TP73: variants seen among roughly 807,000 people sequenced by gnomAD.
TP73 encodes the protein tumor protein p73, also known as p53-like transcription factor.
Under a neutral mutation model 62.5 loss-of-function variants are expected in TP73, and 25 were observed. The observed-to-expected ratio is 0.40, with a 90% confidence interval of 0.29 to 0.56. The LOEUF (loss-of-function observed/expected upper bound fraction) is 0.56. TP73 is among the 20% of genes least tolerant of loss of function. TP73 has a pLI of 0.46. For missense variants in TP73, 754 were observed against 913.3 expected, an observed-to-expected ratio of 0.83 and a Z score of 2.25; for synonymous variants, 423 against 377.5, an observed-to-expected ratio of 1.12 and a Z score of -1.40.
At chr1:3,695,549 G>C (rs1018484657) in intron 3 of TP73, among the ~76,000 whole-genome samples, 1 of 152,234 alleles carries the variant, frequency 6.6e-6, no homozygotes, top group Non-Finnish European at 1.5e-5. Flanking sequence ...AGCACGGACG[G>C]ATCTGGAGCT....
At chr1:3,698,731 G>T (rs1638890592) in intron 3 of TP73, among the ~76,000 whole-genome samples, 2 of 152,158 alleles carry the variant, frequency 1.3e-5, no homozygotes, top group South Asian at 4.1e-4. Flanking sequence ...TCAAATGTGG[G>T]TCCGTGGAGG....
intron 3 of TP73, among the ~76,000 whole-genome samples, chr1:3,686,303 G>A (rs1645654821): frequency 6.6e-6 from 1 of 152,248 alleles, no homozygotes; most frequent in African/African-American, 2.4e-5. Context: ...TGGACACAGG[G>A]TGTCTGAGGG....
chr1:3,684,924 T>C (rs948321430), intron 3 of TP73, among the ~76,000 whole-genome samples: 3 of 152,092 alleles, frequency 2.0e-5, no homozygotes, highest in African/African-American at 7.2e-5. Context: ...CTCCCCTCTC[T>C]CGCTTTGGAA....
intron 3 of TP73, among the ~76,000 whole-genome samples, chr1:3,700,956 AAG>A (rs1239125675): frequency 6.6e-6 from 1 of 152,204 alleles, no homozygotes; most frequent in Non-Finnish European, 1.5e-5. Flanking sequence ...GGTGAGGACA[AAG>A]AGTCTTTCAA....
intron 10 of TP73, 187 bp downstream of exon 10, chr1:3,729,635 TG>T: frequency 9.5e-7 from 1 of 1,053,544 alleles, no homozygotes; most frequent in Non-Finnish European, 1.4e-6. Flanking sequence ...GGGGCTGCCC[TG>T]GGACCCTGGG....
At position 3,733,858 on chromosome 1, in the gene TP73, T is replaced by G. The variant is rs1642313361; in HGVS notation, c.*779T>G. On this transcript the variant is annotated 3_prime_UTR_variant, in exon 14 of 14. Transcript: ENST00000378295. ...TCAGCAGAAAGGGACAGCCTGTCCT[T>G]AGAGGACTGGAAATTGTCAATATTT... The G allele has an allele frequency of 6.6e-6, 1 of 151,770 alleles. No homozygotes were observed. Among genetic ancestry groups the G allele is most frequent in the Admixed American group, 6.6e-5 (1 of 15,258 alleles). The allele number at this position is 151,770 out of a possible 1,614,324, so 9.4% of individuals were successfully genotyped here.
chr1:3,690,660 G>C (rs912023416), intron 3 of TP73: 2 of 1,403,234 alleles, frequency 1.4e-6, no homozygotes, highest in African/African-American at 2.9e-5. Context: ...GTGGGCCGCG[G>C]GTTTTGTTGT....
At chr1:3,723,823 G>A (rs1227396774) in intron 6 of TP73, among the ~76,000 whole-genome samples, 1 of 152,244 alleles carries the variant, frequency 6.6e-6, no homozygotes, top group Non-Finnish European at 1.5e-5. Flanking sequence ...TGGGAGATGG[G>A]GAGGTCCCCG....
rs191542623 is a variant in TP73 at position 3,720,126 on chromosome 1, T to C, written c.430-1895T>C. On this transcript the variant is annotated intron_variant, in intron 4 of 13. Transcript: ENST00000378295. ...TTGGTAGAGACAGGGTTTCACCATA[T>C]TGGCCAGGCTGGTCGAACTCCTGAC... 1.0e-3 allele frequency among the ~76,000 whole-genome samples: 159 copies of C among 152,324 alleles called. 1 individual carries two copies. The highest frequency in any genetic ancestry group is 3.5e-3 in the African/African-American group (147 of 41,568).
At chr1:3,725,682 ATAT>A (rs1344100645) in intron 6 of TP73, among the ~76,000 whole-genome samples, 8 of 119,286 alleles carry the variant, frequency 6.7e-5, no homozygotes, top group Non-Finnish European at 8.4e-5. Flanking sequence ...GGATAGACTG[ATAT>A]TGTTGAATGG....
intron 3 of TP73, among the ~76,000 whole-genome samples, chr1:3,684,309 ACAGCGCGTCTGGGGCAGGGT>A: frequency 6.6e-6 from 1 of 152,304 alleles, no homozygotes. Context: ...GATACGCGGA[ACAGCGCGTCTGGGGCAGGGT>A]CGGGCCTCCC....
intron 1 of TP73, among the ~76,000 whole-genome samples, chr1:3,681,266 G>A (rs3765707): frequency 0.18 from 26,695 of 152,234 alleles, 2,651 homozygotes; most frequent in Admixed American, 0.27. Flanking sequence ...GCAGGGCGGT[G>A]GCCAAGCCTG....
intron 3 of TP73, among the ~76,000 whole-genome samples, chr1:3,695,369 G>T (rs1262024977): frequency 6.6e-6 from 1 of 152,228 alleles, no homozygotes; most frequent in East Asian, 1.9e-4. Context: ...TAGCCAGGGT[G>T]ATGGGAGACA....
chr1:3,677,259 G>T (rs1570412424), intron 1 of TP73, among the ~76,000 whole-genome samples: 1 of 152,290 alleles, frequency 6.6e-6, no homozygotes, highest in East Asian at 1.9e-4. Flanking sequence ...GGCCCCTGGA[G>T]TTGAGGATCC....
chr1:3,714,983 C>T (rs532598924), intron 4 of TP73, among the ~76,000 whole-genome samples: 8 of 152,358 alleles, frequency 5.3e-5, no homozygotes, highest in Non-Finnish European at 1.0e-4. Context: ...CACCCGCACG[C>T]GGTCTCAGTG....
At chr1:3,700,345 T>C (rs1639054207) in intron 3 of TP73, among the ~76,000 whole-genome samples, 1 of 152,208 alleles carries the variant, frequency 6.6e-6, no homozygotes, top group Admixed American at 6.5e-5. Flanking sequence ...ATCTGTCCCC[T>C]GTCATCCGAT....
At position 3,662,958 on chromosome 1, in the gene TP73, T is replaced by C. The variant is rs754120511; in HGVS notation, c.-34+10317T>C. Among the ~76,000 whole-genome samples the C allele has an allele frequency of 2.0e-5, 3 of 152,266 alleles. No individual in the cohort carries two copies. Among genetic ancestry groups the C allele is most frequent in the African/African-American group, 7.2e-5 (3 of 41,474 alleles). On this transcript the variant is annotated intron_variant, in intron 1 of 13. Coordinates refer to ENST00000378295, the MANE Select transcript of TP73 (RefSeq NM_005427.4). This position sits in a 1 kb window ranked among gnomAD's most constrained non-coding sequence, Gnocchi z 4.4. ...TAAGAGAAACTTGTCTCTGGTCCCA[T>C]GTGTTGCCCTTTGGGCACTGGCATG...
chr1:3,727,727 C>A lies in TP73; in HGVS notation c.942C>A (p.Ala314=), dbSNP rs115639865. The change falls in exon 8 of 14, where the codon GCC becomes GCA. Residue 314 remains alanine, a synonymous_variant. Transcript: ENST00000378295. The part of the protein sequence containing the change: ...ADEDHYREQQ[A]LNESSAKNGA... ...AGGACCACTACCGGGAGCAGCAGGC[C>A]CTGAACGAGAGCTCCGCCAAGAACG... 3.7e-3 allele frequency: 5,817 copies of A among 1,562,462 alleles called. 173 individuals carry two copies. In the African/African-American group the frequency reaches 0.063, roughly 17 times the overall value.
At chr1:3,712,498 T>C (rs2296032) in intron 4 of TP73, 43,571 of 152,150 alleles carry the variant, frequency 0.29, 6,514 homozygotes, top group East Asian at 0.36. Flanking sequence ...GCCCCAGCTC[T>C]GAGACCCTGG....
Sources: gnomAD v4.1 joint callset for allele counts (sites outside exome capture counted in the v4.1 genomes callset) on GRCh38, gnomAD v4.1.1 for gene constraint, Gnocchi (gnomAD v3.1) non-coding constraint, MANE v1.5 for transcripts, NCBI Gene and HGNC (gene_info 2026-07-23, HGNC 2026-07-21) for gene names.